The following TLK1 variants were observed in gnomAD, a reference collection of about 807,000 sequenced individuals.
The protein encoded by TLK1 is tousled like kinase 1, also known as serine/threonine-protein kinase tousled-like 1.
In TLK1, 24 loss-of-function variants were observed where a neutral mutation model predicts 105.3. The ratio of observed to expected loss-of-function variants is 0.23; its 90% confidence interval spans 0.17 to 0.32. The LOEUF (loss-of-function observed/expected upper bound fraction) is 0.32, where lower values mean the gene tolerates loss of function less well. Ranked by LOEUF, TLK1 falls within the 10% of genes least tolerant of loss-of-function variation. TLK1 has a pLI of 1.00. For missense variants in TLK1, 558 were observed against 910.5 expected (o/e 0.61, Z 4.98); for synonymous variants, 321 against 310.4 (o/e 1.03, Z -0.36).
intron 3 of TLK1, among the ~76,000 whole-genome samples, chr2:171,069,690 C>T (rs1420634848): frequency 6.6e-6 from 1 of 152,122 alleles, no homozygotes; most frequent in African/African-American, 2.4e-5. Flanking sequence ...ACTAACTGTA[C>T]GGTGTGCTTT....
rs142463942 is a variant in TLK1 at position 171,058,100 on chromosome 2, C to G, written c.453+51G>C. The G allele has an allele frequency of 8.2e-6, 13 of 1,583,080 alleles. No individual in the cohort carries two copies. The East Asian group carries it at 2.9e-4, about 35-fold the overall frequency. On this transcript the variant is annotated intron_variant, in intron 5 of 20. Coordinates refer to ENST00000431350, the MANE Select transcript of TLK1 (RefSeq NM_012290.5). The stretch of plus-strand genomic sequence containing the variant: ...CTTCTAAGAAATTATTTCTAGCTCA[C>G]AGCAGAATAGTACTGAATTAGGAAA...
In TLK1 at chr2:171,024,917, A is replaced by G. The variant is rs1007687770; in HGVS notation, c.1236+3422T>C. On this transcript the variant is annotated intron_variant, in intron 12 of 20. Coordinates refer to ENST00000431350, the MANE Select transcript of TLK1 (RefSeq NM_012290.5). ...CGACTGCTTAAACTTGGGAACAACT[A>G]TAACAATAAATATTAGATAAAAGAA... Among the ~76,000 whole-genome samples the G allele has an allele frequency of 5.9e-5, 9 of 152,296 alleles. No homozygotes were observed. In the East Asian group the frequency reaches 1.5e-3, roughly 26 times the overall value.
At chr2:171,049,243 T>C (rs1003044867) in intron 10 of TLK1, among the ~76,000 whole-genome samples, 11 of 152,108 alleles carry the variant, frequency 7.2e-5, no homozygotes, top group African/African-American at 2.7e-4. Context: ...TATACCCCTG[T>C]AACAACCTGC....
chr2:171,207,490 G>T, intron 1 of TLK1, among the ~76,000 whole-genome samples: 1 of 152,260 alleles, frequency 6.6e-6, no homozygotes, highest in Non-Finnish European at 1.5e-5. Context: ...ACAACACCAA[G>T]AGGGAACCCT....
At chr2:171,209,672 G>A (rs1412355707) in intron 1 of TLK1, among the ~76,000 whole-genome samples, 1 of 152,134 alleles carries the variant, frequency 6.6e-6, no homozygotes, top group East Asian at 1.9e-4. Flanking sequence ...GAGTTACAGT[G>A]AGGTCATTAG....
At chr2:171,160,987 G>GGCAGCGGCGGCC (rs1256805775), upstream of TLK1, 1 of 194,484 alleles carries the variant, frequency 5.1e-6, no homozygotes, top group Non-Finnish European at 9.8e-6. The surrounding 1 kb of genome is among the most constrained non-coding windows in gnomAD (Gnocchi z 4.4). Flanking sequence ...CGGCGGCGGC[G>GGCAGCGGCGGCC]GCAGCGGCGG....
chr2:171,137,776 G>A (rs1040006953), intron 1 of TLK1, among the ~76,000 whole-genome samples: 1 of 151,794 alleles, frequency 6.6e-6, no homozygotes, highest in Non-Finnish European at 1.5e-5. Flanking sequence ...TTGAACCCAG[G>A]AGGTGAAGGT....
chr2:171,116,141 AG>A (rs1360904938), intron 2 of TLK1, among the ~76,000 whole-genome samples: 1 of 152,206 alleles, frequency 6.6e-6, no homozygotes, highest in Non-Finnish European at 1.5e-5. Context: ...AAAACTGGTG[AG>A]ACTGATTACA....
intron 1 of TLK1, among the ~76,000 whole-genome samples, chr2:171,171,132 AACCATATGGGATATTTTTGAT>A (rs1258197005): frequency 1.3e-5 from 2 of 152,248 alleles, no homozygotes; most frequent in South Asian, 4.1e-4. Context: ...GAAATGTGCT[AACCATATGGGATATTTTTGAT>A]AGGTTAAACA....
chr2:171,144,989 G>C (rs1691732322), intron 1 of TLK1, among the ~76,000 whole-genome samples: 2 of 152,084 alleles, frequency 1.3e-5, no homozygotes, highest in South Asian at 4.1e-4. Flanking sequence ...TAGTCATCAG[G>C]GAAATGAAAA....
intron 3 of TLK1, among the ~76,000 whole-genome samples, chr2:171,064,312 T>C (rs1350965945): frequency 1.3e-5 from 2 of 152,160 alleles, no homozygotes; most frequent in Admixed American, 1.3e-4. Context: ...ACCTCTACCC[T>C]GAATCTGCAA....
At chr2:171,031,933 C>A (rs1686065191) in intron 11 of TLK1, among the ~76,000 whole-genome samples, 1 of 151,976 alleles carries the variant, frequency 6.6e-6, no homozygotes, top group Admixed American at 6.6e-5. Flanking sequence ...GGCACTTAAA[C>A]AAAAATTAGC....
intron 2 of TLK1, among the ~76,000 whole-genome samples, chr2:171,085,326 G>A (rs1049342827): frequency 6.6e-6 from 1 of 151,566 alleles, no homozygotes; most frequent in Non-Finnish European, 1.5e-5. Flanking sequence ...GGAGGCAGAG[G>A]TTGCAGCGAG....
intron 12 of TLK1, among the ~76,000 whole-genome samples, chr2:171,015,487 A>G (rs13004273): frequency 0.32 from 48,450 of 150,174 alleles, 8,218 homozygotes; most frequent in Non-Finnish European, 0.35. Context: ...TTGCAATCCT[A>G]AAGATACATT....
At chr2:171,056,656 A>T in intron 5 of TLK1, 90 bp from the exon 6 acceptor site, 1 of 1,025,304 alleles carries the variant, frequency 9.8e-7, no homozygotes, top group Admixed American at 2.3e-5. Context: ...ATCTAAATAT[A>T]CCTAATTTTA....
At chr2:171,036,894 G>A (rs1686368787) in intron 11 of TLK1, among the ~76,000 whole-genome samples, 1 of 152,132 alleles carries the variant, frequency 6.6e-6, no homozygotes, top group Non-Finnish European at 1.5e-5. Context: ...TTGGGGGTCA[G>A]TAAACAGAAT....
At chr2:171,124,512 C>CA (rs925725478) in intron 1 of TLK1, among the ~76,000 whole-genome samples, 3 of 152,134 alleles carry the variant, frequency 2.0e-5, no homozygotes, top group East Asian at 3.8e-4. Context: ...CTGTTTCTAA[C>CA]AAAAATTAAT....
At chr2:171,135,390 C>T (rs1459034281) in intron 1 of TLK1, among the ~76,000 whole-genome samples, 3 of 150,376 alleles carry the variant, frequency 2.0e-5, no homozygotes, top group Non-Finnish European at 4.4e-5. Flanking sequence ...TTATGATTTG[C>T]CAATTAAAAA....
At chr2:171,144,940 A>G (rs947320842) in intron 1 of TLK1, among the ~76,000 whole-genome samples, 1 of 152,228 alleles carries the variant, frequency 6.6e-6, no homozygotes, top group African/African-American at 2.4e-5. Context: ...AGGATAACGA[A>G]AAGGCCAATA....
Sources: gnomAD v4.1 joint callset for allele counts (sites outside exome capture counted in the v4.1 genomes callset) on GRCh38, gnomAD v4.1.1 for gene constraint, Gnocchi (gnomAD v3.1) non-coding constraint, MANE v1.5 for transcripts, NCBI Gene and HGNC (gene_info 2026-07-23, HGNC 2026-07-21) for gene names.